Variants in SMARCA2 observed in about 807,000 individuals in gnomAD.
SMARCA2 encodes the protein SWI/SNF related BAF chromatin remodeling complex subunit ATPase 2.
A neutral mutation model predicts 199.8 loss-of-function variants in SMARCA2; 61 were observed. The observed-to-expected ratio is 0.31, with a 90% CI of 0.25 to 0.38. The LOEUF is 0.38. Among genes scored for constraint, SMARCA2 ranks in the 10% least tolerant of loss-of-function variants. The pLI is 1.00. For missense variants in SMARCA2, 1,344 were observed against 2,012.2 expected (o/e 0.67, Z 6.35); for synonymous variants, 935 against 732.0 (o/e 1.28, Z -4.48).
At chr9:2,045,045 C>G (rs896070131) in intron 4 of SMARCA2, 1 of 152,110 alleles carries the variant, frequency 6.6e-6, no homozygotes, top group African/African-American at 2.4e-5. Context: ...TCTTCATAAT[C>G]TTCTGCATGG....
At chr9:2,018,262 AT>A (rs1818449753) in intron 1 of SMARCA2, among the ~76,000 whole-genome samples, 2 of 152,168 alleles carry the variant, frequency 1.3e-5, no homozygotes, top group African/African-American at 2.4e-5. Flanking sequence ...ACCGGGTGTT[AT>A]GTAATTTTAG....
At chr9:2,068,521 T>C (rs374191593) in intron 9 of SMARCA2, among the ~76,000 whole-genome samples, 5 of 152,224 alleles carry the variant, frequency 3.3e-5, no homozygotes, top group African/African-American at 1.2e-4. Context: ...AAACTTTAAG[T>C]GTTTTCGTAA....
intron 27 of SMARCA2, among the ~76,000 whole-genome samples, chr9:2,145,968 G>T (rs112132198): frequency 0.027 from 4,172 of 152,302 alleles, 76 homozygotes; most frequent in Non-Finnish European, 0.045. Context: ...AATCACAAAG[G>T]TGGGAATAAA....
intron 22 of SMARCA2, among the ~76,000 whole-genome samples, chr9:2,103,083 C>T (rs1822599075): frequency 6.6e-6 from 1 of 152,010 alleles, no homozygotes; most frequent in South Asian, 2.1e-4. Flanking sequence ...CGTTCTTCAC[C>T]TGGATGCCTT....
chr9:2,019,658 C>A (rs919881373), intron 1 of SMARCA2, among the ~76,000 whole-genome samples: 1 of 152,032 alleles, frequency 6.6e-6, no homozygotes. Flanking sequence ...ATTCTACAGG[C>A]CAGTATAAAA....
chr9:2,171,500 C>T (rs1473092929), intron 29 of SMARCA2, among the ~76,000 whole-genome samples: 2 of 152,116 alleles, frequency 1.3e-5, no homozygotes, highest in Non-Finnish European at 2.9e-5. Context: ...ATGAAACTGT[C>T]GGGCAAGATT....
intron 27 of SMARCA2, among the ~76,000 whole-genome samples, chr9:2,137,163 A>G (rs1053816131): frequency 6.6e-6 from 1 of 152,202 alleles, no homozygotes; most frequent in Non-Finnish European, 1.5e-5. Flanking sequence ...TCAGGGCTTT[A>G]GGTGCCAAAG....
chr9:2,071,736 G>A (rs1307948579), intron 10 of SMARCA2, among the ~76,000 whole-genome samples: 2 of 152,156 alleles, frequency 1.3e-5, no homozygotes, highest in Non-Finnish European at 2.9e-5. Flanking sequence ...AGTTTTCTTA[G>A]AGGCATGACA....
chr9:2,037,550 C>A (rs556018022), intron 3 of SMARCA2, among the ~76,000 whole-genome samples: 6 of 152,246 alleles, frequency 3.9e-5, no homozygotes, highest in African/African-American at 1.2e-4. Context: ...GTAACTGAAT[C>A]TTTTATTTTC....
At chr9:2,174,431 T>A (rs1381252605) in intron 29 of SMARCA2, among the ~76,000 whole-genome samples, 2 of 152,160 alleles carry the variant, frequency 1.3e-5, no homozygotes, top group African/African-American at 4.8e-5. Flanking sequence ...TATGTCTTCC[T>A]TGAGGATTTA....
chr9:2,098,142 A>C (rs566943559), intron 21 of SMARCA2, among the ~76,000 whole-genome samples: 1 of 152,182 alleles, frequency 6.6e-6, no homozygotes, highest in Non-Finnish European at 1.5e-5. Flanking sequence ...AGGAGCCACA[A>C]TTGTATTCCC....
intron 31 of SMARCA2, among the ~76,000 whole-genome samples, chr9:2,183,335 A>G (rs923480136): frequency 6.6e-6 from 1 of 152,204 alleles, no homozygotes. Context: ...CCCAATTGCA[A>G]TTCTCTTTTT....
chr9:2,107,897 C>G (rs1822830964), intron 23 of SMARCA2, among the ~76,000 whole-genome samples: 1 of 152,038 alleles, frequency 6.6e-6, no homozygotes, highest in Non-Finnish European at 1.5e-5. Flanking sequence ...ACAAGGGCAC[C>G]AAGCATAAAG....
chr9:2,119,568 T>C lies in SMARCA2; in HGVS notation c.3762+33T>C, dbSNP rs767825422. 1 of 1,401,708 alleles carries C rather than the reference T, an allele frequency of 7.1e-7. No homozygotes were observed. Among genetic ancestry groups the C allele is most frequent in the Non-Finnish European group, 1.0e-6 (1 of 987,674 alleles). 86.8% of individuals were successfully genotyped at this position (1,401,708 alleles called of 1,614,324 possible). ...TACAGAAAATCATGAACACAAATGC[T>C]TTATACCTCTGCCCCTTTTTCTGTT... is the stretch of plus-strand genomic sequence containing the variant. On this transcript the variant is annotated intron_variant, in intron 26 of 33. Transcript: ENST00000349721. This position sits in a 1 kb window ranked among gnomAD's most constrained non-coding sequence, Gnocchi z 4.6.
At position 2,047,256 on chromosome 9, in the gene SMARCA2, G is replaced by A. The variant is rs1819896833; in HGVS notation, c.818G>A (p.Ser273Asn). The change falls in exon 5 of 34, where the codon AGC (serine) becomes AAC (asparagine). Residue 273 changes from serine to asparagine, a missense_variant. By Grantham distance (46) the Ser-to-Asn change is conservative (BLOSUM62 1). This residue lies in a region of SMARCA2 where 117 missense variants were observed against 99.1 expected (regional missense o/e 1.18). Transcript: ENST00000349721. The stretch of plus-strand genomic sequence containing the variant: ...CCGGGGCCGGAGCTGAGCGGCCCGA[G>A]CACCCCGCAGAAGCTGCCGGTGCCC... ...SGPGPELSGP[S>N]TPQKLPVPAP... 9.9e-7 allele frequency: 1 copy of A among 1,008,504 alleles called. No individual in the cohort carries two copies. Among genetic ancestry groups the A allele is most frequent in the East Asian group, 8.8e-5 (1 of 11,362 alleles). 62.5% of individuals were successfully genotyped at this position (1,008,504 alleles called of 1,614,324 possible). A position where few individuals can be genotyped will look rare whatever the true frequency, so the allele number is the denominator to read the frequency against.
chr9:2,128,647 G>C (rs1823801757), intron 27 of SMARCA2, among the ~76,000 whole-genome samples: 1 of 152,218 alleles, frequency 6.6e-6, no homozygotes, highest in Non-Finnish European at 1.5e-5. Flanking sequence ...TTTGCAAATT[G>C]TATAAAAGTA....
chr9:2,167,256 A>C (rs1825979307), intron 28 of SMARCA2, among the ~76,000 whole-genome samples: 1 of 152,216 alleles, frequency 6.6e-6, no homozygotes, highest in Admixed American at 6.5e-5. Flanking sequence ...CAACTCTCTT[A>C]TCAGGAGCTT....
At chr9:2,032,913 T>G in intron 2 of SMARCA2, 39 bp from the exon 3 acceptor site, 1 of 1,596,516 alleles carries the variant, frequency 6.3e-7, no homozygotes, top group Non-Finnish European at 8.6e-7. Flanking sequence ...ATATTTTACC[T>G]TATAGAGGTG....
intron 29 of SMARCA2, among the ~76,000 whole-genome samples, chr9:2,171,685 C>G (rs1826254891): frequency 6.6e-6 from 1 of 152,160 alleles, no homozygotes; most frequent in Admixed American, 6.5e-5. Flanking sequence ...GAATAGTTGA[C>G]TTCATAAGTT....
Sources: allele counts gnomAD v4.1 joint callset (sites outside exome capture counted in the v4.1 genomes callset), GRCh38; gene constraint gnomAD v4.1.1; regional missense constraint gnomAD v4.1.1; non-coding constraint Gnocchi (gnomAD v3.1); transcripts MANE v1.5; gene names NCBI Gene and HGNC (gene_info 2026-07-23, HGNC 2026-07-21).